Variants in CAMK1D observed in about 807,000 individuals in gnomAD.
CAMK1D encodes the protein calcium/calmodulin-dependent protein kinase type 1D.
CAMK1D carries 9 observed loss-of-function variants against 47.7 expected under a neutral mutation model. The ratio of observed to expected loss-of-function variants is 0.19; its 90% CI spans 0.11 to 0.33. The LOEUF (loss-of-function observed/expected upper bound fraction) is 0.33, where lower values mean the gene tolerates loss of function less well. CAMK1D is among the 10% of genes least tolerant of loss of function. The pLI is 1.00. For synonymous variants in CAMK1D, 184 were observed against 184.9 expected (o/e 0.99, Z 0.04); for missense variants, 291 against 488.7 (o/e 0.60, Z 3.81).
chr10:12,556,388 C>T (rs1293818063), intron 2 of CAMK1D, among the ~76,000 whole-genome samples: 2 of 152,182 alleles, frequency 1.3e-5, no homozygotes, highest in African/African-American at 2.4e-5. Flanking sequence ...ACAGTTTTGT[C>T]ACTAAGTACG....
chr10:12,361,889 G>A (rs372590172), intron 1 of CAMK1D, among the ~76,000 whole-genome samples: 12 of 151,950 alleles, frequency 7.9e-5, no homozygotes, highest in African/African-American at 2.9e-4. Flanking sequence ...ATAGTTAAAC[G>A]CCTCCTCCAG....
chr10:12,515,195 A>G (rs1835157659), intron 1 of CAMK1D, among the ~76,000 whole-genome samples: 1 of 151,810 alleles, frequency 6.6e-6, no homozygotes, highest in Non-Finnish European at 1.5e-5. Context: ...TTTTAAATTT[A>G]TATGCAGTAA....
chr10:12,578,697 G>C, intron 2 of CAMK1D: 1 of 152,846 alleles, frequency 6.5e-6, no homozygotes, highest in Non-Finnish European at 1.5e-5. Flanking sequence ...TTACAAGCAT[G>C]AGCCACTGCA....
At chr10:12,495,493 T>A (rs1031241294) in intron 1 of CAMK1D, among the ~76,000 whole-genome samples, 1 of 152,212 alleles carries the variant, frequency 6.6e-6, no homozygotes, top group Non-Finnish European at 1.5e-5. Context: ...TTTTAAAAAA[T>A]TTTAACTGAA....
chr10:12,355,505 G>T (rs974851889), intron 1 of CAMK1D, among the ~76,000 whole-genome samples: 2 of 143,116 alleles, frequency 1.4e-5, no homozygotes, highest in Non-Finnish European at 3.1e-5. Context: ...TGTGTGTGTG[G>T]TGGGGGAGAG....
At chr10:12,618,746 T>G (rs1326402720) in intron 2 of CAMK1D, among the ~76,000 whole-genome samples, 2 of 152,226 alleles carry the variant, frequency 1.3e-5, no homozygotes, top group Non-Finnish European at 2.9e-5. Flanking sequence ...CTCAAGAAGT[T>G]TAAACTTTGC....
chr10:12,414,878 C>G (rs1158233651), intron 1 of CAMK1D, among the ~76,000 whole-genome samples: 1 of 152,138 alleles, frequency 6.6e-6, no homozygotes, highest in African/African-American at 2.4e-5. Context: ...TGGCCAAATT[C>G]AGTTCAAATT....
intron 1 of CAMK1D, among the ~76,000 whole-genome samples, chr10:12,537,947 G>A (rs1003628809): frequency 3.9e-5 from 6 of 152,100 alleles, no homozygotes; most frequent in African/African-American, 1.4e-4. Context: ...ATCTTTCTAT[G>A]TAATTAAGCA....
chr10:12,467,139 G>A (rs1833615658), intron 1 of CAMK1D, among the ~76,000 whole-genome samples: 1 of 151,980 alleles, frequency 6.6e-6, no homozygotes, highest in African/African-American at 2.4e-5. Context: ...ACTCGGCAAA[G>A]GGGTGTCCAC....
intron 1 of CAMK1D, among the ~76,000 whole-genome samples, chr10:12,471,595 G>A (rs562025777): frequency 6.6e-6 from 1 of 152,322 alleles, no homozygotes; most frequent in African/African-American, 2.4e-5. Flanking sequence ...TGAGAATCAA[G>A]AAAGGCAGGG....
At chr10:12,492,648 G>T (rs1170701521) in intron 1 of CAMK1D, among the ~76,000 whole-genome samples, 1 of 152,142 alleles carries the variant, frequency 6.6e-6, no homozygotes, top group Non-Finnish European at 1.5e-5. Flanking sequence ...AAATGAAACT[G>T]TAGTAACAAA....
At chr10:12,796,146 T>C in intron 6 of CAMK1D, among the ~76,000 whole-genome samples, 1 of 152,324 alleles carries the variant, frequency 6.6e-6, no homozygotes, top group Non-Finnish European at 1.5e-5. Flanking sequence ...TATGCTCAAG[T>C]ATGCTGCGTA....
At chr10:12,734,864 C>T (rs1835112613) in intron 3 of CAMK1D, among the ~76,000 whole-genome samples, 2 of 152,184 alleles carry the variant, frequency 1.3e-5, no homozygotes, top group African/African-American at 4.8e-5. Context: ...AAAAGTAGCT[C>T]ATTATTGGTG....
intron 1 of CAMK1D, among the ~76,000 whole-genome samples, chr10:12,546,118 A>G (rs4750232): frequency 0.1 from 15,192 of 152,276 alleles, 966 homozygotes; most frequent in South Asian, 0.15. Flanking sequence ...TGAAACCTCA[A>G]AGATTTAAGT....
Position 12,472,094 on chromosome 10 carries a change from G to T in CAMK1D, c.93-81131G>T, listed in dbSNP as rs369513386. On this transcript the variant is annotated intron_variant, in intron 1 of 10. Transcript: ENST00000619168. Reference sequence around the variant, plus strand: ...AAAAGGAAAAGCTGTCTCTGAGTTTGACTTGATTCCTGTTTAATCTGAGAT... The same window carrying T: ...AAAAGGAAAAGCTGTCTCTGAGTTTTACTTGATTCCTGTTTAATCTGAGAT... Among the ~76,000 whole-genome samples the T allele has an allele frequency of 1.7e-4, 26 of 152,018 alleles. No homozygotes were observed. The South Asian group carries it at 4.6e-3, about 27-fold the overall frequency.
rs118103582 is a variant in CAMK1D, at chr10:12,554,035, T to C, written c.224+679T>C. Among the ~76,000 whole-genome samples, 401 of 152,222 alleles carry C rather than the reference T, an allele frequency of 2.6e-3. 8 individuals carry two copies. The East Asian group carries it at 0.038, about 14-fold the overall frequency. On this transcript the variant is annotated intron_variant, in intron 2 of 10. Transcript: ENST00000619168. ...TGCGTGGAGTTCACTGTTTCAGTGC[T>C]TACCTCCTCATTGAGTTTTATTTTT...
chr10:12,597,618 T>C (rs1838182851), intron 2 of CAMK1D, among the ~76,000 whole-genome samples: 1 of 152,178 alleles, frequency 6.6e-6, no homozygotes, highest in Non-Finnish European at 1.5e-5. Context: ...TGTTCCCTCA[T>C]TGAGGGCGTT....
intron 2 of CAMK1D, among the ~76,000 whole-genome samples, chr10:12,561,000 G>A (rs1588633800): frequency 6.6e-6 from 1 of 151,074 alleles, no homozygotes; most frequent in African/African-American, 2.4e-5. Context: ...TGCAAGCTCC[G>A]CCTCCCAGCT....
intron 1 of CAMK1D, among the ~76,000 whole-genome samples, chr10:12,440,972 G>C (rs2025833): frequency 6.6e-6 from 1 of 152,058 alleles, no homozygotes; most frequent in Non-Finnish European, 1.5e-5. Flanking sequence ...CCTGAAAGTC[G>C]GTCATAAGAC....
Sources: allele counts gnomAD v4.1 joint callset (sites outside exome capture counted in the v4.1 genomes callset), GRCh38; gene constraint gnomAD v4.1.1; transcripts MANE v1.5; gene names NCBI Gene and HGNC (gene_info 2026-07-23, HGNC 2026-07-21).